The following TOX2 variants were observed in gnomAD, a reference collection of about 807,000 sequenced individuals.
The protein encoded by TOX2 is granulosa cell HMG box 1.
A neutral mutation model predicts 47.4 loss-of-function variants in TOX2; 15 were observed. The observed-to-expected ratio is 0.32, with a 90% CI of 0.21 to 0.49. The LOEUF is 0.49. TOX2 is among the 20% of genes least tolerant of loss of function. TOX2 has a pLI of 0.99. For missense variants in TOX2, 622 were observed against 673.1 expected, an observed-to-expected ratio of 0.92 and a Z score of 0.84; for synonymous variants, 290 against 296.6, an observed-to-expected ratio of 0.98 and a Z score of 0.23.
At position 44,069,130 on chromosome 20, in the gene TOX2, G is replaced by C; in HGVS notation, c.*444G>C. On this transcript the variant is annotated 3_prime_UTR_variant, in exon 9 of 9. Transcript: ENST00000341197. ...TTTTCCAGTGTGAACAAAAGATTAC[G>C]AAACCTAGAAACTGTTGGTTCCGTG... is the stretch of plus-strand genomic sequence containing the variant. The C allele has an allele frequency of 2.8e-6, 1 of 355,570 alleles. No homozygotes were observed. The highest frequency in any genetic ancestry group is 5.5e-6 in the Non-Finnish European group (1 of 180,422). 22.0% of individuals were successfully genotyped at this position (355,570 alleles called of 1,614,324 possible).
intron 4 of TOX2, among the ~76,000 whole-genome samples, chr20:44,052,779 G>C (rs1670264628): frequency 6.6e-6 from 1 of 152,156 alleles, no homozygotes; most frequent in Non-Finnish European, 1.5e-5. Context: ...AGTAAGTGGG[G>C]GGAACCAGGA....
intron 3 of TOX2, among the ~76,000 whole-genome samples, chr20:44,016,672 ACCCCTGGTTGAGAGCCT>A (rs1475654572): frequency 6.6e-6 from 1 of 152,068 alleles, no homozygotes; most frequent in Non-Finnish European, 1.5e-5. Flanking sequence ...GAGCAAAATC[ACCCCTGGTTGAGAGCCT>A]CCGCCTGCTG....
intron 1 of TOX2, among the ~76,000 whole-genome samples, chr20:43,935,307 C>T (rs569406937): frequency 6.6e-6 from 1 of 152,292 alleles, no homozygotes; most frequent in South Asian, 2.1e-4. Flanking sequence ...GCCTCTCCTG[C>T]GTAGGATGTT....
chr20:44,066,767 G>T lies in TOX2; in HGVS notation c.1394G>T (p.Gly465Val), dbSNP rs368195262. The part of the protein sequence containing the change: ...PHISEFPSSS[G>V]SCSPGPSNPT... ...ATCTCTGAGTTCCCCAGCAGCTCGG[G>T]ATCCTGCTCACCTGGCCCATCCAAC... Residue 465 changes from glycine to valine, a missense_variant, in exon 8 of 9, where the codon GGA becomes GTA. Physicochemically the swap from Gly to Val is moderately radical, Grantham distance 109 (BLOSUM62 -3). Transcript: ENST00000341197. 1 of 1,614,176 alleles carries T rather than the reference G, an allele frequency of 6.2e-7. No individual in the cohort carries two copies. The highest frequency in any genetic ancestry group is 1.1e-5 in the South Asian group (1 of 91,086).
chr20:44,036,219 T>G (rs779037329), intron 3 of TOX2, among the ~76,000 whole-genome samples: 9 of 152,174 alleles, frequency 5.9e-5, no homozygotes, highest in Admixed American at 2.0e-4. Context: ...AGAGAGAGGC[T>G]ACAACGCAAG....
chr20:43,967,852 A>G (rs567041887), intron 1 of TOX2, among the ~76,000 whole-genome samples: 7 of 152,322 alleles, frequency 4.6e-5, no homozygotes, highest in Admixed American at 1.3e-4. Flanking sequence ...TGAAAAGAGT[A>G]TAATTGGATT....
chr20:44,035,930 C>T (rs989883433), intron 3 of TOX2, among the ~76,000 whole-genome samples: 1 of 152,242 alleles, frequency 6.6e-6, no homozygotes, highest in Non-Finnish European at 1.5e-5. Context: ...AGGCTTCAGC[C>T]AATCCAGTGA....
intron 2 of TOX2, among the ~76,000 whole-genome samples, chr20:44,004,853 C>A (rs1193925798): frequency 2.0e-5 from 3 of 152,150 alleles, no homozygotes; most frequent in African/African-American, 7.2e-5. Context: ...GTTTAGGTTT[C>A]CCCCCACCTC....
chr20:44,002,569 G>A (rs941165444), intron 2 of TOX2, among the ~76,000 whole-genome samples: 1 of 152,154 alleles, frequency 6.6e-6, no homozygotes, highest in Non-Finnish European at 1.5e-5. Flanking sequence ...GGGTGTTTTA[G>A]TCTGTTTTGC....
intron 2 of TOX2, among the ~76,000 whole-genome samples, chr20:43,996,262 G>A (rs1422633951): frequency 1.3e-5 from 2 of 152,160 alleles, no homozygotes; most frequent in South Asian, 2.1e-4. Flanking sequence ...TCTAATGATC[G>A]GTGATGTTGT....
At chr20:43,973,508 T>C in intron 2 of TOX2, 76 bp downstream of exon 2, 1 of 1,402,830 alleles carries the variant, frequency 7.1e-7, no homozygotes, top group Admixed American at 1.7e-5. Context: ...TGGGTGGAGG[T>C]AGGGGGTGCA....
chr20:43,946,237 T>C (rs1474783096), intron 1 of TOX2, among the ~76,000 whole-genome samples: 2 of 152,220 alleles, frequency 1.3e-5, no homozygotes, highest in African/African-American at 4.8e-5. Context: ...GGAGGCGGTT[T>C]GGGCTGTCCT....
At chr20:44,023,569 C>T (rs1474523845) in intron 3 of TOX2, among the ~76,000 whole-genome samples, 1 of 152,178 alleles carries the variant, frequency 6.6e-6, no homozygotes, top group South Asian at 2.1e-4. Flanking sequence ...GTCCTCAAAC[C>T]AAAGCTGCCC....
At chr20:43,942,062 C>T (rs1447038256) in intron 1 of TOX2, among the ~76,000 whole-genome samples, 1 of 152,204 alleles carries the variant, frequency 6.6e-6, no homozygotes, top group African/African-American at 2.4e-5. Context: ...TCAACTTCCT[C>T]ATCTGTAAAA....
At chr20:43,954,698 T>G (rs1296967711) in intron 1 of TOX2, among the ~76,000 whole-genome samples, 1 of 152,196 alleles carries the variant, frequency 6.6e-6, no homozygotes, top group Admixed American at 6.5e-5. Context: ...CCATTCCTAT[T>G]GCACCTGGCC....
Position 43,962,735 on chromosome 20 carries a change from C to G in TOX2, c.100-10632C>G, listed in dbSNP as rs150059546. ...TCGGCTACTGCTGATGATGTCAGCT[C>G]TTCCGTCTCTGGGGTTCTGGGTCAG... On this transcript the variant is annotated intron_variant, in intron 1 of 8. Transcript: ENST00000341197. 3.0e-3 allele frequency among the ~76,000 whole-genome samples: 464 copies of G among 152,306 alleles called. 4 individuals carry two copies. Among genetic ancestry groups the G allele is most frequent in the African/African-American group, 0.011 (441 of 41,572 alleles).
intron 1 of TOX2, among the ~76,000 whole-genome samples, chr20:43,923,000 C>T (rs367850828): frequency 3.0e-5 from 4 of 134,798 alleles, no homozygotes; most frequent in African/African-American, 5.1e-5. Context: ...GTGCCAATGC[C>T]GGGAGTGTGG....
At chr20:43,923,906 A>C (rs2069138008) in intron 1 of TOX2, among the ~76,000 whole-genome samples, 2 of 152,232 alleles carry the variant, frequency 1.3e-5, no homozygotes, top group Admixed American at 1.3e-4. Flanking sequence ...ACGCCATCCC[A>C]CAGGGAGCTG....
rs1297160015 is a variant in TOX2, at chr20:43,957,215, G to A, written c.100-16152G>A. 3.3e-5 allele frequency among the ~76,000 whole-genome samples: 5 copies of A among 152,070 alleles called. No individual in the cohort carries two copies. The East Asian group carries it at 7.7e-4, about 23-fold the overall frequency. On this transcript the variant is annotated intron_variant, in intron 1 of 8. Transcript: ENST00000341197. ...TTATGTTTAACTCTTTAATCCATTC[G>A]GAGTGCATGCATTTTGGTTGGTGTC...
Sources: gnomAD v4.1 joint callset for allele counts (sites outside exome capture counted in the v4.1 genomes callset) on GRCh38, gnomAD v4.1.1 for gene constraint, MANE v1.5 for transcripts, NCBI Gene and HGNC (gene_info 2026-07-23, HGNC 2026-07-21) for gene names.